Variants in RBM23 observed in about 807,000 individuals in gnomAD.
RBM23 encodes the protein probable RNA-binding protein 23.
A neutral mutation model predicts 56.2 loss-of-function variants in RBM23; 53 were observed. That is an observed-to-expected ratio of 0.94 (90% CI 0.76 to 1.19). The LOEUF is 1.19. RBM23 is among the 50% of genes most tolerant of loss of function. The pLI is 0.00. For synonymous variants in RBM23, 197 were observed against 198.5 expected (o/e 0.99, Z 0.06); for missense variants, 642 against 590.3 (o/e 1.09, Z -0.91).
At chr14:22,918,288 G>T (rs919085264) in intron 1 of RBM23, among the ~76,000 whole-genome samples, 15 of 151,988 alleles carry the variant, frequency 9.9e-5, no homozygotes, top group Non-Finnish European at 2.2e-4. Context: ...CCAGCTACTC[G>T]GGAGGCTGAG....
In RBM23 at chr14:22,895,329, A is replaced by T. The variant is rs1197944770; in HGVS notation, c.*6401T>A. 1 of 152,316 alleles carries T rather than the reference A, an allele frequency of 6.6e-6. No individual in the cohort carries two copies. The highest frequency in any genetic ancestry group is 1.5e-5 in the Non-Finnish European group (1 of 68,130). The allele number at this position is 152,316 out of a possible 1,614,324, so 9.4% of individuals were successfully genotyped here. A position where few individuals can be genotyped will look rare whatever the true frequency, so the allele number is the denominator to read the frequency against. Reference sequence around the variant, plus strand: ...AGCCGAGATCGCACCATTGCACTCCAGCCTGGGCAACAAAAGCGAAACTCC... The same window carrying T: ...AGCCGAGATCGCACCATTGCACTCCTGCCTGGGCAACAAAAGCGAAACTCC... On this transcript the variant is annotated 3_prime_UTR_variant, in exon 14 of 14. Coordinates refer to ENST00000359890, the MANE Select transcript of RBM23 (RefSeq NM_001077351.2).
intron 4 of RBM23, among the ~76,000 whole-genome samples, chr14:22,907,834 A>G (rs746411375): frequency 5.9e-5 from 9 of 152,168 alleles, no homozygotes; most frequent in Non-Finnish European, 1.2e-4. Context: ...TGGAGGTGAA[A>G]GACCCTCTGC....
chr14:22,894,477 G>A lies in RBM23; in HGVS notation c.*7253C>T, dbSNP rs2040215416. The A allele has an allele frequency of 2.0e-5, 3 of 152,220 alleles. No homozygotes were observed. The South Asian group carries it at 6.2e-4, about 32-fold the overall frequency. The allele number at this position is 152,220 out of a possible 1,614,324, so 9.4% of individuals were successfully genotyped here. ...CACGCCTGTAATCCCAGCACTTTGG[G>A]AGGCCGAGGTGGGTGGATCACTTGA... is the stretch of plus-strand genomic sequence containing the variant. On this transcript the variant is annotated 3_prime_UTR_variant, in exon 14 of 14. Transcript: ENST00000359890.
intron 1 of RBM23, among the ~76,000 whole-genome samples, chr14:22,913,512 A>C (rs1340447973): frequency 6.6e-6 from 1 of 152,098 alleles, no homozygotes; most frequent in Non-Finnish European, 1.5e-5. Flanking sequence ...CTGTAATCCC[A>C]GCACCGTGGG....
intron 1 of RBM23, among the ~76,000 whole-genome samples, chr14:22,913,362 C>T (rs963385808): frequency 1.1e-4 from 16 of 148,884 alleles, no homozygotes; most frequent in African/African-American, 3.7e-4. Context: ...TGCAGTGAGC[C>T]GAGATCGCGC....
intron 1 of RBM23, among the ~76,000 whole-genome samples, chr14:22,913,092 G>A (rs116162498): frequency 0.025 from 3,706 of 150,416 alleles, 154 homozygotes; most frequent in African/African-American, 0.085. Flanking sequence ...TAGAAGTAAG[G>A]GGAAGGGCTG....
At chr14:22,911,107 C>T (rs1430751884) in intron 2 of RBM23, among the ~76,000 whole-genome samples, 1 of 152,246 alleles carries the variant, frequency 6.6e-6, no homozygotes, top group African/African-American at 2.4e-5. Flanking sequence ...ACCAACACCA[C>T]ATTATGTGCC....
chr14:22,904,926 G>A lies in RBM23; in HGVS notation c.813C>T (p.His271=). 6.2e-7 allele frequency: 1 copy of A among 1,614,194 alleles called. No individual in the cohort carries two copies. Among genetic ancestry groups the A allele is most frequent in the Non-Finnish European group, 8.5e-7 (1 of 1,180,028 alleles). ...GPMRLYVGSL[H]FNITEDMLRG... The stretch of plus-strand genomic sequence containing the variant: ...GGAGCATGTCTTCAGTGATATTGAA[G>A]TGCAGGGAACCCACATAGAGGCGCA... The change falls in exon 9 of 14, where the codon CAC becomes CAT. Residue 271 remains histidine (H), a synonymous_variant. Transcript: ENST00000359890.
Position 22,905,444 on chromosome 14 carries a change from A to G in RBM23, c.465T>C (p.Val155=). The G allele has an allele frequency of 6.2e-7, 1 of 1,614,192 alleles. No individual in the cohort carries two copies. Among genetic ancestry groups the G allele is most frequent in the Non-Finnish European group, 8.5e-7 (1 of 1,180,030 alleles). ...FREKSPVREP[V]DNLSPEERDA... is the part of the protein sequence containing the mutation. ...CACGCTCCTCAGGACTCAGATTATC[A>G]ACTGGCTCCCTGAAGAGTGAAATGT... The change falls in exon 7 of 14, where the codon GTT becomes GTC. Residue 155 remains valine (V), a synonymous_variant. Transcript: ENST00000359890.
chr14:22,916,121 T>C (rs7350749), intron 1 of RBM23, among the ~76,000 whole-genome samples: 20,407 of 152,138 alleles, frequency 0.13, 1,630 homozygotes, highest in Admixed American at 0.18. Flanking sequence ...GAGCCTGAAA[T>C]GGAAGGATCG....
intron 12 of RBM23, 39 bp downstream of exon 12, chr14:22,901,941 C>T (rs762869619): frequency 1.9e-6 from 3 of 1,611,952 alleles, no homozygotes; most frequent in Middle Eastern, 1.6e-4. Context: ...TCTTTCCAGA[C>T]CCCCAAACCT....
intron 2 of RBM23, among the ~76,000 whole-genome samples, chr14:22,909,798 T>C (rs1481290513): frequency 6.6e-6 from 1 of 152,132 alleles, no homozygotes; most frequent in Non-Finnish European, 1.5e-5. Flanking sequence ...GCATGACAGA[T>C]TTTGATGTCA....
chr14:22,918,302 G>C (rs538359468), intron 1 of RBM23, among the ~76,000 whole-genome samples: 9 of 152,230 alleles, frequency 5.9e-5, no homozygotes, highest in African/African-American at 2.2e-4. Context: ...GGCTGAGGCA[G>C]GGGAATCGCT....
chr14:22,898,812 C>A lies in RBM23; in HGVS notation c.*2918G>T, dbSNP rs1300237630. On this transcript the variant is annotated 3_prime_UTR_variant, in exon 14 of 14. Transcript: ENST00000359890. ...TTTATAATAGTCTGAAGGAGCCAAG[C>A]CAGCCATGAGAAGACCCAGTTCATG... 2.0e-5 allele frequency: 3 copies of A among 151,912 alleles called. No homozygotes were observed. The highest frequency in any genetic ancestry group is 4.4e-5 in the Non-Finnish European group (3 of 68,028). 9.4% of individuals were successfully genotyped at this position (151,912 alleles called of 1,614,324 possible).
chr14:22,912,207 T>C (rs1046401847), intron 1 of RBM23, among the ~76,000 whole-genome samples: 3 of 152,086 alleles, frequency 2.0e-5, no homozygotes, highest in African/African-American at 7.2e-5. Flanking sequence ...TATAGGCACA[T>C]TATGTCCAAT....
intron 10 of RBM23, chr14:22,903,002 G>C (rs185721819): frequency 2.5e-5 from 22 of 872,502 alleles, no homozygotes; most frequent in Non-Finnish European, 3.0e-5. Flanking sequence ...GGCTGGTCTC[G>C]AACTCCTGAC....
At chr14:22,904,223 C>T (rs1204366100) in intron 10 of RBM23, 38 bp downstream of exon 10, 2 of 1,613,602 alleles carry the variant, frequency 1.2e-6, no homozygotes, top group African/African-American at 1.3e-5. Context: ...TGGACAAACC[C>T]AAAGTAAAAT....
intron 1 of RBM23, chr14:22,917,583 TG>T (rs900066285): frequency 1.3e-4 from 20 of 152,134 alleles, no homozygotes; most frequent in African/African-American, 4.8e-4. Flanking sequence ...GTTTTTTTTT[TG>T]TATTTTTAGT....
rs1441568220 is a variant in RBM23 at position 22,909,480 on chromosome 14, C to G, written c.179+3G>C. Reference sequence around the variant, plus strand: ...CCAACCCATTTCTTCCTCCCACACTCACTTGCTTGTCTCCCCGATGGTGCT... The same window carrying G: ...CCAACCCATTTCTTCCTCCCACACTGACTTGCTTGTCTCCCCGATGGTGCT... On this transcript the variant is annotated splice_donor_region_variant and intron_variant, in intron 3 of 13. Transcript: ENST00000359890. 1.8e-5 allele frequency: 29 copies of G among 1,611,742 alleles called. No individual in the cohort carries two copies. In the East Asian group the frequency reaches 5.8e-4, roughly 32 times the overall value.
Sources: allele counts gnomAD v4.1 joint callset (sites outside exome capture counted in the v4.1 genomes callset), GRCh38; gene constraint gnomAD v4.1.1; transcripts MANE v1.5; gene names NCBI Gene and HGNC (gene_info 2026-07-23, HGNC 2026-07-21).